SLC48A1: variants seen among roughly 807,000 people sequenced by gnomAD.
SLC48A1 encodes solute carrier family 48 member 1.
A neutral mutation model predicts 14.8 loss-of-function variants in SLC48A1; 6 were observed. That is an observed-to-expected ratio of 0.41 (90% CI 0.22 to 0.80). The LOEUF is 0.80. Ranked by LOEUF, SLC48A1 falls within the 30% of genes least tolerant of loss-of-function variation. SLC48A1 has a pLI of 0.34. For missense variants in SLC48A1, 165 were observed against 204.8 expected, an observed-to-expected ratio of 0.81 and a Z score of 1.19; for synonymous variants, 89 against 90.0, an observed-to-expected ratio of 0.99 and a Z score of 0.06.
upstream of SLC48A1, chr12:47,773,099 A>G (rs967178954): frequency 1.5e-5 from 11 of 726,282 alleles, no homozygotes; most frequent in African/African-American, 2.1e-4. Context: ...GCAGCTTCGC[A>G]AAGCGGCGGT....
At chr12:47,760,165 C>T (rs1942334533) in intron 1 of SLC48A1, 1 of 977,254 alleles carries the variant, frequency 1.0e-6, no homozygotes, top group African/African-American at 1.7e-5. Context: ...AATTCATATT[C>T]AATCCTATTG....
At chr12:47,763,050 G>T (rs1296876789) in intron 2 of SLC48A1, among the ~76,000 whole-genome samples, 1 of 152,240 alleles carries the variant, frequency 6.6e-6, no homozygotes, top group East Asian at 1.9e-4. Context: ...GCATGAAGCT[G>T]ATGCTTAATG....
chr12:47,755,914 TAAG>T (rs1942026289), upstream of SLC48A1: 1 of 152,070 alleles, frequency 6.6e-6, no homozygotes, highest in Admixed American at 6.5e-5. Flanking sequence ...CATCAAGAGG[TAAG>T]AAGTACAGCT....
At chr12:47,765,984 C>T (rs746597222) in intron 2 of SLC48A1, among the ~76,000 whole-genome samples, 32 of 152,274 alleles carry the variant, frequency 2.1e-4, no homozygotes, top group Admixed American at 1.2e-3. Flanking sequence ...GACCAATTGC[C>T]ATTCCTCCCG....
chr12:47,756,086 G>A (rs1163073360), upstream of SLC48A1: 1 of 152,178 alleles, frequency 6.6e-6, no homozygotes, highest in African/African-American at 2.4e-5. Context: ...GGCACGGAAA[G>A]GCCTTGTTTT....
upstream of SLC48A1, among the ~76,000 whole-genome samples, chr12:47,766,876 G>A (rs545745190): frequency 2.8e-3 from 430 of 152,258 alleles, 2 homozygotes; most frequent in African/African-American, 0.01. Context: ...TTCTAAAGGG[G>A]CAGAAGGCAG....
In SLC48A1 at chr12:47,774,601, C is replaced by G. The variant is rs1344866551; in HGVS notation, c.136+1161C>G. On this transcript the variant is annotated intron_variant, in intron 1 of 2. Transcript: ENST00000442218. ...AATAACTAAAAATAACTAATTTACT[C>G]ACTGCCACAGGGAGTGCTGAGTGCC... Among the ~76,000 whole-genome samples, 4 of 152,220 alleles carry G rather than the reference C, an allele frequency of 2.6e-5. No individual in the cohort carries two copies. In the East Asian group the frequency reaches 7.7e-4, roughly 29 times the overall value.
chr12:47,765,491 C>T (rs1188177986), intron 2 of SLC48A1, among the ~76,000 whole-genome samples: 1 of 152,230 alleles, frequency 6.6e-6, no homozygotes, highest in Non-Finnish European at 1.5e-5. Flanking sequence ...AGGGCTGGAC[C>T]GAATCCTGAC....
rs115930939 is a variant in SLC48A1, at chr12:47,776,621, T to C, written c.137-2407T>C. ...TGTTTATCTGGAGGGGAGGCCTCTGTGCAGGGCCTGGAGCAAGGTTGAGGG... is the reference window on the plus strand; with the variant it reads ...TGTTTATCTGGAGGGGAGGCCTCTGCGCAGGGCCTGGAGCAAGGTTGAGGG... On this transcript the variant is annotated intron_variant, in intron 1 of 2. Transcript: ENST00000442218. Among the ~76,000 whole-genome samples, 439 of 152,264 alleles carry C rather than the reference T, an allele frequency of 2.9e-3. 2 individuals are homozygous for C. The highest frequency in any genetic ancestry group is 0.01 in the African/African-American group (425 of 41,550).
At chr12:47,772,164 G>C (rs1942641126), upstream of SLC48A1, 1 of 154,788 alleles carries the variant, frequency 6.5e-6, no homozygotes, top group South Asian at 2.0e-4. Context: ...GTTATGTTTT[G>C]TGCAGGTATA....
At chr12:47,760,098 T>TACATGTATACATGGGAA (rs1339474489) in intron 1 of SLC48A1, 4 of 478,296 alleles carry the variant, frequency 8.4e-6, no homozygotes, top group Non-Finnish European at 1.1e-5. Context: ...TTTTAATGTA[T>TACATGTATACATGGGAA]ACATGTATAA....
intron 1 of SLC48A1, among the ~76,000 whole-genome samples, chr12:47,774,290 A>AT (rs1367296873): frequency 6.6e-6 from 1 of 152,228 alleles, no homozygotes; most frequent in African/African-American, 2.4e-5. Context: ...ACTTTCTAAC[A>AT]TTTTAAAAAA....
chr12:47,757,746 G>C (rs1481798034), upstream of SLC48A1: 10 of 949,756 alleles, frequency 1.1e-5, no homozygotes. Context: ...GTCCACGGCA[G>C]CTGTACCACT....
chr12:47,774,079 C>T (rs1038186494), intron 1 of SLC48A1, among the ~76,000 whole-genome samples: 1 of 152,176 alleles, frequency 6.6e-6, no homozygotes, highest in Non-Finnish European at 1.5e-5. Context: ...TTTTGCTACC[C>T]GTCTGCTGTG....
upstream of SLC48A1, among the ~76,000 whole-genome samples, chr12:47,772,675 T>TA (rs57198948): frequency 6.5e-4 from 95 of 146,376 alleles, 1 homozygote; most frequent in Middle Eastern, 7.1e-3. Flanking sequence ...AGACTCTGTT[T>TA]AAAAAAAAAA....
chr12:47,772,675 T>A (rs923894720), upstream of SLC48A1, among the ~76,000 whole-genome samples: 6 of 146,350 alleles, frequency 4.1e-5, no homozygotes, highest in East Asian at 2.0e-4. Context: ...AGACTCTGTT[T>A]AAAAAAAAAA....
chr12:47,773,762 C>G (rs145075600), intron 1 of SLC48A1, among the ~76,000 whole-genome samples: 2,693 of 152,302 alleles, frequency 0.018, 108 homozygotes, highest in African/African-American at 0.06. Flanking sequence ...TGCCCCACGA[C>G]AGTGTCCCCT....
intron 1 of SLC48A1, among the ~76,000 whole-genome samples, chr12:47,778,040 C>T (rs1225933515): frequency 6.6e-6 from 1 of 152,268 alleles, no homozygotes; most frequent in East Asian, 1.9e-4. Context: ...TGAGAGCCTG[C>T]AGCTGGCTCT....
chr12:47,758,111 G>T (rs1338101552), upstream of SLC48A1: 5 of 1,541,256 alleles, frequency 3.2e-6, no homozygotes, highest in Admixed American at 2.0e-5. Flanking sequence ...GACAGCCATG[G>T]GACACGACTG....
Sources: allele counts gnomAD v4.1 joint callset (sites outside exome capture counted in the v4.1 genomes callset), GRCh38; gene constraint gnomAD v4.1.1; transcripts MANE v1.5; gene names NCBI Gene and HGNC (gene_info 2026-07-23, HGNC 2026-07-21).